NT5DC1: variants seen among roughly 807,000 people sequenced by gnomAD.
NT5DC1 encodes the protein 5'-nucleotidase domain containing 1.
Under a neutral mutation model 59.4 loss-of-function variants are expected in NT5DC1, and 42 were observed. The observed-to-expected ratio is 0.71, with a 90% CI of 0.55 to 0.92. The LOEUF (loss-of-function observed/expected upper bound fraction) is 0.92, where lower values mean the gene tolerates loss of function less well. Ranked by LOEUF, NT5DC1 falls within the 40% of genes least tolerant of loss-of-function variation. The pLI, the probability that NT5DC1 is intolerant of heterozygous loss-of-function variation, is 0.00. For synonymous variants in NT5DC1, 172 were observed against 188.1 expected, an observed-to-expected ratio of 0.91 and a Z score of 0.70; for missense variants, 501 against 537.1, an observed-to-expected ratio of 0.93 and a Z score of 0.66.
intron 6 of NT5DC1, among the ~76,000 whole-genome samples, chr6:116,138,246 G>A (rs1314655776): frequency 2.0e-5 from 3 of 152,134 alleles, no homozygotes; most frequent in Non-Finnish European, 4.4e-5. Flanking sequence ...AAGAATTTGA[G>A]GCCTAGAGGT....
intron 3 of NT5DC1, among the ~76,000 whole-genome samples, chr6:116,109,778 C>A (rs751951708): frequency 1.3e-5 from 2 of 152,060 alleles, no homozygotes; most frequent in Non-Finnish European, 2.9e-5. Flanking sequence ...TATTTTATTT[C>A]TTTTTTCCTT....
In NT5DC1 at chr6:116,120,949, C is replaced by A. The variant is rs200840015; in HGVS notation, c.529+3004C>A. ...CATCGAGACCTGGTTTTCCTGGGTA[C>A]CCTGGTTTTCCATCTGACCCAGGGG... is the stretch of plus-strand genomic sequence containing the variant. On this transcript the variant is annotated intron_variant, in intron 6 of 11. Transcript: ENST00000319550. 20 of 1,613,914 alleles carry A rather than the reference C, an allele frequency of 1.2e-5. No individual in the cohort carries two copies. In the African/African-American group the frequency reaches 2.4e-4, roughly 19 times the overall value.
chr6:116,164,879 C>T (rs1257026369), intron 6 of NT5DC1, among the ~76,000 whole-genome samples: 4 of 151,820 alleles, frequency 2.6e-5, no homozygotes, highest in Non-Finnish European at 4.4e-5. Flanking sequence ...GTCAGGAGAT[C>T]GAGACCATCC....
intron 1 of NT5DC1, among the ~76,000 whole-genome samples, chr6:116,104,838 G>A (rs537532210): frequency 4.8e-4 from 73 of 152,084 alleles, no homozygotes; most frequent in African/African-American, 1.6e-3. Flanking sequence ...ATTTTTTGTT[G>A]CTTTTTTCCT....
chr6:116,155,063 T>G (rs1290161319), intron 6 of NT5DC1, among the ~76,000 whole-genome samples: 1 of 152,200 alleles, frequency 6.6e-6, no homozygotes, highest in Non-Finnish European at 1.5e-5. Context: ...GTATACAGAC[T>G]TTAATATTAG....
At chr6:116,153,139 AC>A (rs1780091652) in intron 6 of NT5DC1, among the ~76,000 whole-genome samples, 1 of 152,016 alleles carries the variant, frequency 6.6e-6, no homozygotes, top group African/African-American at 2.4e-5. Flanking sequence ...GTATATACAT[AC>A]ATATTCACAC....
At chr6:116,188,853 G>A (rs1247376221) in intron 6 of NT5DC1, among the ~76,000 whole-genome samples, 1 of 151,740 alleles carries the variant, frequency 6.6e-6, no homozygotes, top group Non-Finnish European at 1.5e-5. Flanking sequence ...AGGAGAGAAG[G>A]CCTATTTCAT....
At chr6:116,143,880 TTC>T (rs1779826545) in intron 6 of NT5DC1, among the ~76,000 whole-genome samples, 1 of 152,322 alleles carries the variant, frequency 6.6e-6, no homozygotes, top group African/African-American at 2.4e-5. Flanking sequence ...GTGTTGTGTT[TTC>T]TCTGTTAGAT....
At chr6:116,166,875 GA>G (rs1169585835) in intron 6 of NT5DC1, among the ~76,000 whole-genome samples, 2 of 152,154 alleles carry the variant, frequency 1.3e-5, no homozygotes, top group Non-Finnish European at 2.9e-5. Flanking sequence ...ATCTGACCTT[GA>G]AATGAGAATA....
intron 5 of NT5DC1, among the ~76,000 whole-genome samples, chr6:116,116,881 T>C (rs1285873486): frequency 6.6e-6 from 1 of 152,152 alleles, no homozygotes; most frequent in African/African-American, 2.4e-5. Context: ...TATCTAGTAG[T>C]CTGTCTTTGT....
chr6:116,186,675 A>T (rs926569362), intron 6 of NT5DC1, among the ~76,000 whole-genome samples: 18 of 152,132 alleles, frequency 1.2e-4, no homozygotes, highest in Non-Finnish European at 2.5e-4. Context: ...TGTTGCTGCG[A>T]GTTTCCAGTG....
At chr6:116,123,707 A>G (rs1406471120) in intron 6 of NT5DC1, among the ~76,000 whole-genome samples, 1 of 152,160 alleles carries the variant, frequency 6.6e-6, no homozygotes, top group African/African-American at 2.4e-5. Flanking sequence ...CCAATGGATG[A>G]TAGTGTAGTT....
intron 6 of NT5DC1, among the ~76,000 whole-genome samples, chr6:116,149,861 G>C (rs1779992885): frequency 6.6e-6 from 1 of 152,200 alleles, no homozygotes; most frequent in Admixed American, 6.5e-5. Context: ...TAAGGAATTT[G>C]ATTTGCACAA....
At chr6:116,177,485 T>C (rs1562151866) in intron 6 of NT5DC1, among the ~76,000 whole-genome samples, 1 of 152,182 alleles carries the variant, frequency 6.6e-6, no homozygotes, top group Non-Finnish European at 1.5e-5. Context: ...TTCTCTTTAA[T>C]GATATAAATT....
intron 6 of NT5DC1, among the ~76,000 whole-genome samples, chr6:116,148,206 G>A (rs1779946874): frequency 6.6e-6 from 1 of 152,134 alleles, no homozygotes; most frequent in African/African-American, 2.4e-5. Flanking sequence ...GAGGCAAATT[G>A]AGTAAGTTGG....
chr6:116,217,898 A>G (rs1449887678), intron 6 of NT5DC1, among the ~76,000 whole-genome samples: 2 of 152,152 alleles, frequency 1.3e-5, no homozygotes, highest in African/African-American at 4.8e-5. Context: ...CAATAAAAAG[A>G]TGTTTCTATT....
At chr6:116,177,437 T>C (rs1017864423) in intron 6 of NT5DC1, among the ~76,000 whole-genome samples, 2 of 152,176 alleles carry the variant, frequency 1.3e-5, no homozygotes, top group Admixed American at 1.3e-4. Flanking sequence ...TCCATCTGTT[T>C]CATTGCAAAA....
At chr6:116,187,837 T>C (rs1000248518) in intron 6 of NT5DC1, among the ~76,000 whole-genome samples, 2 of 152,068 alleles carry the variant, frequency 1.3e-5, no homozygotes, top group African/African-American at 4.8e-5. Flanking sequence ...ACAGTATTGA[T>C]TGATTGTAAA....
At chr6:116,224,720 A>C (rs1403050655) in intron 8 of NT5DC1, among the ~76,000 whole-genome samples, 1 of 152,214 alleles carries the variant, frequency 6.6e-6, no homozygotes, top group Non-Finnish European at 1.5e-5. Flanking sequence ...GGAGGGGGTG[A>C]AGTTAGGGAG....
Sources: allele counts gnomAD v4.1 joint callset (sites outside exome capture counted in the v4.1 genomes callset), GRCh38; gene constraint gnomAD v4.1.1; transcripts MANE v1.5; gene names NCBI Gene and HGNC (gene_info 2026-07-23, HGNC 2026-07-21).